Variants in FRMD4A observed in about 807,000 individuals in gnomAD.
The protein encoded by FRMD4A is FERM domain-containing protein 4A.
FRMD4A carries 29 observed loss-of-function variants against 129.1 expected under a neutral mutation model. The observed-to-expected ratio is 0.22, with a 90% CI of 0.17 to 0.31. The LOEUF (loss-of-function observed/expected upper bound fraction) is 0.31, where lower values mean the gene tolerates loss of function less well. FRMD4A is among the 10% of genes least tolerant of loss of function. The pLI is 1.00. For synonymous variants in FRMD4A, 634 were observed against 571.6 expected (o/e 1.11, Z -1.56); for missense variants, 1,272 against 1,375.8 (o/e 0.92, Z 1.19).
chr10:13,867,391 G>A (rs1230725061), intron 2 of FRMD4A, among the ~76,000 whole-genome samples: 1 of 151,382 alleles, frequency 6.6e-6, no homozygotes, highest in Non-Finnish European at 1.5e-5. Flanking sequence ...CTCCCAAGTA[G>A]CTGGGATTAC....
chr10:14,032,505 A>G (rs1833292979), intron 2 of FRMD4A, among the ~76,000 whole-genome samples: 1 of 152,222 alleles, frequency 6.6e-6, no homozygotes, highest in Non-Finnish European at 1.5e-5. Context: ...GGAGAGTTGT[A>G]CTTGGGAGAG....
At position 13,924,936 on chromosome 10, in the gene FRMD4A, C is replaced by T. The variant is rs2178286; in HGVS notation, c.46-66024G>A. Among the ~76,000 whole-genome samples the T allele has an allele frequency of 6.6e-5, 10 of 151,248 alleles. No homozygotes were observed. The South Asian group carries it at 1.5e-3, about 22-fold the overall frequency. Reference sequence around the variant, plus strand: ...AAAATTAGCTAGGCGTGGTGGCGGGCGCCTGTAATCCCAGCTGCTCAGGAG... The same window carrying T: ...AAAATTAGCTAGGCGTGGTGGCGGGTGCCTGTAATCCCAGCTGCTCAGGAG... On this transcript the variant is annotated intron_variant, in intron 2 of 24. Transcript: ENST00000357447.
At chr10:14,299,081 G>A (rs1846101853) in intron 2 of FRMD4A, among the ~76,000 whole-genome samples, 1 of 152,190 alleles carries the variant, frequency 6.6e-6, no homozygotes, top group Non-Finnish European at 1.5e-5. Context: ...ACAGTTCTGG[G>A]ACAATGGACA....
At chr10:14,082,225 C>T (rs1001087566) in intron 2 of FRMD4A, among the ~76,000 whole-genome samples, 2 of 151,990 alleles carry the variant, frequency 1.3e-5, no homozygotes, top group South Asian at 2.1e-4. Context: ...CCAGCCTGGG[C>T]AACAGAGCGA....
At chr10:14,197,949 C>T (rs1589155868) in intron 2 of FRMD4A, among the ~76,000 whole-genome samples, 2 of 152,310 alleles carry the variant, frequency 1.3e-5, no homozygotes, top group Admixed American at 1.3e-4. Flanking sequence ...AACTGCTTGC[C>T]TGGAGTTTCC....
At chr10:14,297,762 G>A (rs1475916346) in intron 2 of FRMD4A, among the ~76,000 whole-genome samples, 1 of 152,158 alleles carries the variant, frequency 6.6e-6, no homozygotes, top group African/African-American at 2.4e-5. Flanking sequence ...GTTGATGATT[G>A]AGGGCCCAGG....
At chr10:14,118,263 G>A (rs1205214496) in intron 2 of FRMD4A, among the ~76,000 whole-genome samples, 1 of 152,190 alleles carries the variant, frequency 6.6e-6, no homozygotes, top group Non-Finnish European at 1.5e-5. Context: ...AGTTAAAGAT[G>A]CCATGCTTGG....
intron 20 of FRMD4A, 32 bp from the exon 21 acceptor site, chr10:13,659,522 CCAGA>C (rs1343438635): frequency 1.3e-6 from 2 of 1,597,326 alleles, no homozygotes; most frequent in African/African-American, 1.3e-5. Context: ...GTGGTCACCG[CCAGA>C]CAGACAGCAC....
intron 2 of FRMD4A, among the ~76,000 whole-genome samples, chr10:13,867,545 G>C (rs1489247740): frequency 6.8e-6 from 1 of 146,020 alleles, no homozygotes; most frequent in Non-Finnish European, 1.5e-5. Context: ...ACAGATGTGA[G>C]CCACCACTTT....
At chr10:14,152,534 T>C (rs1417856923) in intron 2 of FRMD4A, among the ~76,000 whole-genome samples, 1 of 152,160 alleles carries the variant, frequency 6.6e-6, no homozygotes, top group Non-Finnish European at 1.5e-5. Context: ...AAGAGGACAA[T>C]GGGGAACCAA....
chr10:14,184,249 A>G (rs1249418143), intron 2 of FRMD4A, among the ~76,000 whole-genome samples: 1 of 143,918 alleles, frequency 6.9e-6, no homozygotes, highest in Non-Finnish European at 1.5e-5. Context: ...CTCCTGCCTC[A>G]GCCTCCAGAG....
chr10:14,067,099 T>G (rs193221633), intron 2 of FRMD4A, among the ~76,000 whole-genome samples: 1 of 150,656 alleles, frequency 6.6e-6, no homozygotes, highest in Non-Finnish European at 1.5e-5. Context: ...GGGTGGATCA[T>G]GAGGTCAGGA....
chr10:14,242,432 G>A (rs991571180), intron 2 of FRMD4A, among the ~76,000 whole-genome samples: 2 of 152,164 alleles, frequency 1.3e-5, no homozygotes, highest in African/African-American at 4.8e-5. Context: ...TTTCTTACAC[G>A]TCGTTGCTAA....
chr10:14,040,884 G>C (rs912309390), intron 2 of FRMD4A, among the ~76,000 whole-genome samples: 3 of 152,110 alleles, frequency 2.0e-5, no homozygotes, highest in African/African-American at 7.2e-5. Flanking sequence ...GGTTGAAAAA[G>C]AAATATACAG....
chr10:13,988,733 T>C (rs1167239453), intron 2 of FRMD4A, among the ~76,000 whole-genome samples: 1 of 152,114 alleles, frequency 6.6e-6, no homozygotes, highest in Non-Finnish European at 1.5e-5. Context: ...AACAGAGAGA[T>C]CTCTATGTAG....
At chr10:13,807,940 G>A (rs1464191951) in intron 4 of FRMD4A, among the ~76,000 whole-genome samples, 2 of 151,890 alleles carry the variant, frequency 1.3e-5, no homozygotes, top group Admixed American at 6.6e-5. Context: ...CTAGGATTAT[G>A]GGCACATGCC....
intron 2 of FRMD4A, among the ~76,000 whole-genome samples, chr10:14,172,714 T>C (rs1161491160): frequency 6.6e-6 from 1 of 152,192 alleles, no homozygotes; most frequent in African/African-American, 2.4e-5. Flanking sequence ...TTTTCTTTGC[T>C]GTGGTAGGGG....
At chr10:14,264,442 G>A (rs566546435) in intron 2 of FRMD4A, among the ~76,000 whole-genome samples, 244 of 152,188 alleles carry the variant, frequency 1.6e-3, no homozygotes, top group African/African-American at 5.4e-3. Flanking sequence ...TTATAAATGA[G>A]GTATTGCTGG....
chr10:13,649,173 A>G (rs942376860), intron 24 of FRMD4A: 5 of 152,234 alleles, frequency 3.3e-5, no homozygotes, highest in African/African-American at 1.2e-4. Context: ...GGTTGAAACT[A>G]TTAAAGTTGA....
Sources: allele counts gnomAD v4.1 joint callset (sites outside exome capture counted in the v4.1 genomes callset), GRCh38; gene constraint gnomAD v4.1.1; transcripts MANE v1.5; gene names NCBI Gene and HGNC (gene_info 2026-07-23, HGNC 2026-07-21).